The following NPTN variants were observed in gnomAD, a reference collection of about 807,000 sequenced individuals.
NPTN encodes the protein neuroplastin, also known as SDR-1.
In NPTN, 5 loss-of-function variants were observed where a neutral mutation model predicts 42.7. That is an observed-to-expected ratio of 0.12 (90% confidence interval 0.06 to 0.25). The LOEUF (loss-of-function observed/expected upper bound fraction) is 0.25. Among genes scored for constraint, NPTN ranks in the 10% least tolerant of loss-of-function variants. NPTN has a pLI of 1.00. For missense variants in NPTN, 307 were observed against 525.4 expected (o/e 0.58, Z 4.06); for synonymous variants, 180 against 201.9 (o/e 0.89, Z 0.92).
chr15:73,566,810 G>A (rs1595894072), intron 6 of NPTN, among the ~76,000 whole-genome samples: 1 of 152,148 alleles, frequency 6.6e-6, no homozygotes, highest in East Asian at 1.9e-4. Context: ...GCTCTTATTT[G>A]ACTCCATGAT....
intron 1 of NPTN, among the ~76,000 whole-genome samples, chr15:73,628,806 TATA>T (rs1898574078): frequency 6.6e-6 from 1 of 152,036 alleles, no homozygotes; most frequent in Non-Finnish European, 1.5e-5. Context: ...ATAAAGATAA[TATA>T]ATGTTGCTTT....
intron 4 of NPTN, among the ~76,000 whole-genome samples, chr15:73,586,173 G>C (rs1896310042): frequency 6.6e-6 from 1 of 152,170 alleles, no homozygotes; most frequent in Non-Finnish European, 1.5e-5. Flanking sequence ...CTTGGACTTT[G>C]TGCTGAAGGC....
intron 3 of NPTN, among the ~76,000 whole-genome samples, chr15:73,588,143 G>T (rs867850645): frequency 2.0e-4 from 30 of 152,270 alleles, no homozygotes; most frequent in Middle Eastern, 3.4e-3. Context: ...GGGAGGCTGA[G>T]GCAGGAGAAT....
At chr15:73,618,962 G>C (rs531974882) in intron 1 of NPTN, among the ~76,000 whole-genome samples, 32 of 151,402 alleles carry the variant, frequency 2.1e-4, no homozygotes, top group African/African-American at 6.5e-4. Flanking sequence ...AGGACACTGA[G>C]ACAGGACGAT....
chr15:73,590,089 G>C (rs1487050453), intron 3 of NPTN, among the ~76,000 whole-genome samples: 1 of 152,002 alleles, frequency 6.6e-6, no homozygotes, highest in African/African-American at 2.4e-5. Flanking sequence ...TCCCACACTT[G>C]AGTCCATGCC....
At chr15:73,596,226 T>C (rs1237425452) in intron 2 of NPTN, among the ~76,000 whole-genome samples, 1 of 152,228 alleles carries the variant, frequency 6.6e-6, no homozygotes, top group Non-Finnish European at 1.5e-5. Flanking sequence ...CCCAGGCTGC[T>C]GCTTTTAAAG....
chr15:73,576,937 A>G (rs1191124069), intron 4 of NPTN, among the ~76,000 whole-genome samples: 1 of 152,216 alleles, frequency 6.6e-6, no homozygotes, highest in Non-Finnish European at 1.5e-5. Context: ...GGGACTGGAG[A>G]GAGAAAAATT....
chr15:73,568,268 G>C, intron 6 of NPTN: 2 of 985,454 alleles, frequency 2.0e-6, no homozygotes, highest in Non-Finnish European at 2.4e-6. Flanking sequence ...GAACACGCTA[G>C]GCTGCTGCAT....
chr15:73,568,076 C>T, intron 6 of NPTN: 3 of 985,462 alleles, frequency 3.0e-6, no homozygotes, highest in Non-Finnish European at 3.6e-6. Flanking sequence ...AAACTGGTCC[C>T]CCATTTGATT....
At chr15:73,610,827 AG>A (rs1295522540) in intron 1 of NPTN, among the ~76,000 whole-genome samples, 1 of 152,228 alleles carries the variant, frequency 6.6e-6, no homozygotes, top group African/African-American at 2.4e-5. Flanking sequence ...AGGATATGAT[AG>A]TGATACACAG....
intron 2 of NPTN, among the ~76,000 whole-genome samples, chr15:73,594,812 T>G (rs935200194): frequency 6.6e-6 from 1 of 152,160 alleles, no homozygotes; most frequent in African/African-American, 2.4e-5. Context: ...TCTTCTTGCC[T>G]TACATACTCA....
intron 2 of NPTN, among the ~76,000 whole-genome samples, chr15:73,592,357 T>C (rs533968412): frequency 5.9e-5 from 9 of 152,316 alleles, no homozygotes; most frequent in Admixed American, 5.2e-4. Flanking sequence ...TGAAGACCAG[T>C]TGGCCTAGAC....
In NPTN at chr15:73,569,181, G is replaced by A. The variant is rs536840933; in HGVS notation, c.1114+969C>T. 1.6e-4 allele frequency: 153 copies of A among 985,414 alleles called. 1 individual carries two copies. In the South Asian group the frequency reaches 4.9e-3, roughly 32 times the overall value. 61.0% of individuals were successfully genotyped at this position (985,414 alleles called of 1,614,324 possible). ...GGACAGACTAGTGGTGGTAACAGTC[G>A]GCCAATTAATTTCTGTACGCCGGTC... On this transcript the variant is annotated intron_variant, in intron 6 of 8. Coordinates refer to ENST00000345330, the MANE Select transcript of NPTN (RefSeq NM_012428.4). This position sits in a 1 kb window ranked among gnomAD's most constrained non-coding sequence, Gnocchi z 4.1.
rs115104947 is a variant in NPTN at position 73,582,591 on chromosome 15, C to T, written c.706+4933G>A. Among the ~76,000 whole-genome samples the T allele has an allele frequency of 5.6e-3, 854 of 152,032 alleles. 6 individuals are homozygous for T. The highest frequency in any genetic ancestry group is 0.02 in the African/African-American group (814 of 41,514). On this transcript the variant is annotated intron_variant, in intron 4 of 8. Transcript: ENST00000345330. ...ACAGTGACCCTCAACCCTGGCTGTA[C>T]ACCATAATCACCTGATGTGCCTTAA... is the stretch of plus-strand genomic sequence containing the variant.
At chr15:73,610,913 G>T (rs1305419788) in intron 1 of NPTN, among the ~76,000 whole-genome samples, 1 of 152,056 alleles carries the variant, frequency 6.6e-6, no homozygotes, top group Admixed American at 6.6e-5. Context: ...GGCCCCAGTG[G>T]TTTCTCAATT....
chr15:73,619,722 T>C (rs1246282285), intron 1 of NPTN, among the ~76,000 whole-genome samples: 4 of 152,254 alleles, frequency 2.6e-5, no homozygotes, highest in African/African-American at 4.8e-5. Flanking sequence ...GTAATTACTT[T>C]CTAGCTTGTT....
At chr15:73,611,141 T>C (rs1211165731) in intron 1 of NPTN, among the ~76,000 whole-genome samples, 2 of 152,250 alleles carry the variant, frequency 1.3e-5, no homozygotes, top group Non-Finnish European at 2.9e-5. Context: ...TGACACAGTT[T>C]ATGAAGATCC....
intron 1 of NPTN, among the ~76,000 whole-genome samples, chr15:73,628,525 A>G (rs1898551405): frequency 6.6e-6 from 1 of 152,190 alleles, no homozygotes; most frequent in South Asian, 2.1e-4. Flanking sequence ...CAACATGGTC[A>G]CTCACTGTTT....
intron 1 of NPTN, among the ~76,000 whole-genome samples, chr15:73,628,468 T>C (rs2141482534): frequency 6.6e-6 from 1 of 152,364 alleles, no homozygotes; most frequent in Non-Finnish European, 1.5e-5. Flanking sequence ...AAAACTACTC[T>C]GCATAATTTT....
Sources: gnomAD v4.1 joint callset for allele counts (sites outside exome capture counted in the v4.1 genomes callset) on GRCh38, gnomAD v4.1.1 for gene constraint, Gnocchi (gnomAD v3.1) non-coding constraint, MANE v1.5 for transcripts, NCBI Gene and HGNC (gene_info 2026-07-23, HGNC 2026-07-21) for gene names.